SRP72: variants seen among roughly 807,000 people sequenced by gnomAD.
The protein encoded by SRP72 is signal recognition particle 72, also known as signal recognition particle subunit SRP72.
Under a neutral mutation model 96.3 loss-of-function variants are expected in SRP72, and 49 were observed. The observed-to-expected ratio is 0.51, with a 90% CI of 0.40 to 0.65. SRP72 has a LOEUF of 0.65. SRP72 is among the 30% of genes least tolerant of loss of function. SRP72 has a pLI of 0.00. For missense variants in SRP72, 736 were observed against 793.3 expected, an observed-to-expected ratio of 0.93 and a Z score of 0.87; for synonymous variants, 267 against 275.2, an observed-to-expected ratio of 0.97 and a Z score of 0.30.
chr4:56,468,783 G>A (rs1157168759), intron 1 of SRP72, among the ~76,000 whole-genome samples: 2 of 152,188 alleles, frequency 1.3e-5, no homozygotes, highest in Non-Finnish European at 2.9e-5. Flanking sequence ...ATTAACTCTA[G>A]CCTTCCAACC....
rs1720646185 is a variant in SRP72 at position 56,484,876 on chromosome 4, A to G, written c.1086+12A>G. ...TAGAGCTGCTTCAGGTAAAATAATT[A>G]CTTGAATGAGGTGTCAGACATTTGC... On this transcript the variant is annotated intron_variant, in intron 10 of 18. Coordinates refer to ENST00000642900, the MANE Select transcript of SRP72 (RefSeq NM_006947.4). The G allele has an allele frequency of 6.2e-7, 1 of 1,607,110 alleles. No individual in the cohort carries two copies. Among genetic ancestry groups the G allele is most frequent in the Non-Finnish European group, 8.5e-7 (1 of 1,178,622 alleles).
At chr4:56,467,858 C>T (rs879339391) in intron 1 of SRP72, 114 bp downstream of exon 1, 16 of 1,025,782 alleles carry the variant, frequency 1.6e-5, no homozygotes, top group Non-Finnish European at 2.1e-5. Context: ...ACCCCCGAAA[C>T]CCCCCCGTCT....
chr4:56,481,662 A>G (rs1720490389), intron 8 of SRP72, among the ~76,000 whole-genome samples: 1 of 151,970 alleles, frequency 6.6e-6, no homozygotes, highest in Admixed American at 6.6e-5. Flanking sequence ...TTACAGAGTC[A>G]CTACAGGCAT....
chr4:56,483,901 T>C (rs1720599139), intron 9 of SRP72, among the ~76,000 whole-genome samples: 1 of 152,166 alleles, frequency 6.6e-6, no homozygotes, highest in Admixed American at 6.5e-5. Context: ...TCTTTCATTT[T>C]TGCTGTGTAT....
chr4:56,478,733 A>C (rs533150635), intron 8 of SRP72, 84 bp downstream of exon 8: 2 of 1,385,356 alleles, frequency 1.4e-6, no homozygotes, highest in Non-Finnish European at 2.0e-6. Flanking sequence ...AGGATAGCCT[A>C]AGTGTTCTTT....
intron 8 of SRP72, among the ~76,000 whole-genome samples, chr4:56,480,977 G>A (rs1271754484): frequency 6.6e-6 from 1 of 152,058 alleles, no homozygotes; most frequent in Non-Finnish European, 1.5e-5. Context: ...CACAGAAGAG[G>A]GTATGTATTT....
At chr4:56,476,754 G>T in intron 6 of SRP72, 52 bp downstream of exon 6, 2 of 1,560,018 alleles carry the variant, frequency 1.3e-6, no homozygotes, top group East Asian at 2.3e-5. Context: ...GACTATGATA[G>T]ATTACTGAGG....
intron 17 of SRP72, among the ~76,000 whole-genome samples, chr4:56,500,191 A>G (rs1248298848): frequency 1.3e-5 from 2 of 152,100 alleles, no homozygotes; most frequent in Non-Finnish European, 2.9e-5. Flanking sequence ...AGGGAGGGGA[A>G]TATCACACAC....
rs572862215 is a variant in SRP72, at chr4:56,501,601, A to T, written c.1839-83A>T. ...AATGTGTGGGAGATTGTTAAGTGTG[A>T]TAAGTAAAACCCATGTACATACATT... On this transcript the variant is annotated intron_variant, in intron 18 of 18. Coordinates refer to ENST00000642900, the MANE Select transcript of SRP72 (RefSeq NM_006947.4). The T allele has an allele frequency of 5.0e-6, 6 of 1,208,274 alleles. No individual in the cohort carries two copies. The African/African-American group carries it at 6.1e-5, about 12-fold the overall frequency. 74.8% of individuals were successfully genotyped at this position (1,208,274 alleles called of 1,614,324 possible).
At position 56,479,640 on chromosome 4, in the gene SRP72, C is replaced by T. The variant is rs559787522; in HGVS notation, c.825+991C>T. Among the ~76,000 whole-genome samples, 16 of 151,466 alleles carry T rather than the reference C, an allele frequency of 1.1e-4. No homozygotes were observed. In the South Asian group the frequency reaches 2.1e-3, roughly 20 times the overall value. ...GACCACAGGTACACACCACCATGCC[C>T]GGCTAATTTAAAAAAAAATTTGTAG... On this transcript the variant is annotated intron_variant, in intron 8 of 18. Coordinates refer to ENST00000642900, the MANE Select transcript of SRP72 (RefSeq NM_006947.4).
In SRP72 at chr4:56,486,257, AT is replaced by A. The variant is rs1412868877; in HGVS notation, c.1087-66del. Reference sequence around the variant, plus strand: ...ATTTAAAATCTTATGTAGCTAAGTAATTGTAATGTATACAATTAGTTGTGTA... The same window carrying A: ...ATTTAAAATCTTATGTAGCTAAGTAATGTAATGTATACAATTAGTTGTGTA... On this transcript the variant is annotated intron_variant, in intron 10 of 18. Transcript: ENST00000642900. 4 of 1,129,346 alleles carry A rather than the reference AT, an allele frequency of 3.5e-6. No homozygotes were observed. In the East Asian group the frequency reaches 1.0e-4, roughly 29 times the overall value. The allele number at this position is 1,129,346 out of a possible 1,614,324, so 70.0% of individuals were successfully genotyped here.
chr4:56,478,329 T>C (rs145103661), intron 6 of SRP72, 50 bp from the exon 7 acceptor site: 3 of 1,519,398 alleles, frequency 2.0e-6, no homozygotes, highest in Non-Finnish European at 1.8e-6. Context: ...TTGGAAAATA[T>C]GTAGATCAGT....
At chr4:56,468,027 C>T (rs1719816655) in intron 1 of SRP72, among the ~76,000 whole-genome samples, 1 of 152,242 alleles carries the variant, frequency 6.6e-6, no homozygotes, top group African/African-American at 2.4e-5. Context: ...ACCGCAGCTC[C>T]CGGAGTCCAT....
In SRP72 at chr4:56,501,955, C is replaced by T; in HGVS notation, c.*94C>T. ...CACAGCAAGAAGCACAGAACTACTC[C>T]CTCTTCATCTCCATATTTTCATAAT... is the stretch of plus-strand genomic sequence containing the variant. On this transcript the variant is annotated 3_prime_UTR_variant, in exon 19 of 19. Coordinates refer to ENST00000642900, the MANE Select transcript of SRP72 (RefSeq NM_006947.4). The T allele has an allele frequency of 8.2e-7, 1 of 1,219,160 alleles. No individual in the cohort carries two copies. Among genetic ancestry groups the T allele is most frequent in the Non-Finnish European group, 1.2e-6 (1 of 844,636 alleles). The allele number at this position is 1,219,160 out of a possible 1,614,324, so 75.5% of individuals were successfully genotyped here. A position where few individuals can be genotyped will look rare whatever the true frequency, so the allele number is the denominator to read the frequency against.
chr4:56,492,878 G>T (rs1275137885), intron 16 of SRP72, among the ~76,000 whole-genome samples: 1 of 152,106 alleles, frequency 6.6e-6, no homozygotes, highest in Non-Finnish European at 1.5e-5. Flanking sequence ...TCCAGTTACT[G>T]GGAGGCTGAG....
At chr4:56,471,396 A>G (rs1354531471) in intron 2 of SRP72, among the ~76,000 whole-genome samples, 1 of 152,244 alleles carries the variant, frequency 6.6e-6, no homozygotes, top group Non-Finnish European at 1.5e-5. Context: ...CAACCCATTT[A>G]ACATCCTTCA....
chr4:56,483,294 T>C (rs1720572329), intron 9 of SRP72, 24 bp downstream of exon 9: 1 of 1,606,070 alleles, frequency 6.2e-7, no homozygotes, highest in African/African-American at 1.3e-5. Context: ...TTTGGTGTCA[T>C]GGCTAAACCT....
At position 56,486,170 on chromosome 4, in the gene SRP72, A is replaced by G. The variant is rs560309307; in HGVS notation, c.1087-155A>G. The G allele has an allele frequency of 2.6e-3, 1,414 of 538,712 alleles. 8 individuals are homozygous for G. Among genetic ancestry groups the G allele is most frequent in the Non-Finnish European group, 4.0e-3 (1,218 of 306,892 alleles). The allele number at this position is 538,712 out of a possible 1,614,324, so 33.4% of individuals were successfully genotyped here. A position where few individuals can be genotyped will look rare whatever the true frequency, so the allele number is the denominator to read the frequency against. ...CTTTAAGAAAAAAAGTGAGTGTTGA[A>G]TAAAAATTTCCCCAAGTTAAGATTT... On this transcript the variant is annotated intron_variant, in intron 10 of 18. Coordinates refer to ENST00000642900, the MANE Select transcript of SRP72 (RefSeq NM_006947.4).
chr4:56,481,908 G>T (rs1720505180), intron 8 of SRP72, among the ~76,000 whole-genome samples: 1 of 151,092 alleles, frequency 6.6e-6, no homozygotes, highest in Non-Finnish European at 1.5e-5. Flanking sequence ...TGGGACTAGC[G>T]TGTGCCACCA....
Sources: allele counts gnomAD v4.1 joint callset (sites outside exome capture counted in the v4.1 genomes callset), GRCh38; gene constraint gnomAD v4.1.1; transcripts MANE v1.5; gene names NCBI Gene and HGNC (gene_info 2026-07-23, HGNC 2026-07-21).